MACO1: variants seen among roughly 807,000 people sequenced by gnomAD.
MACO1 encodes the protein macoilin.
MACO1 carries 14 observed loss-of-function variants against 78.7 expected under a neutral mutation model. The observed-to-expected ratio is 0.18, with a 90% confidence interval of 0.12 to 0.28. The LOEUF (loss-of-function observed/expected upper bound fraction) is 0.28, where lower values mean the gene tolerates loss of function less well. Among genes scored for constraint, MACO1 ranks in the 10% least tolerant of loss-of-function variants. MACO1 has a pLI of 1.00. For missense variants in MACO1, 501 were observed against 799.0 expected, an observed-to-expected ratio of 0.63 and a Z score of 4.50; for synonymous variants, 288 against 291.6, an observed-to-expected ratio of 0.99 and a Z score of 0.12.
In MACO1 at chr1:25,441,195, A is replaced by T. The variant is rs1322577961; in HGVS notation, c.81-5567A>T. Among the ~76,000 whole-genome samples, 8 of 145,354 alleles carry T rather than the reference A, an allele frequency of 5.5e-5. No individual in the cohort carries two copies. The South Asian group carries it at 1.1e-3, about 20-fold the overall frequency. ...CTACATTACAGATCATTCATTCAACATTTTTTTTTTTTGAGACGGAGTTTT... is the reference window on the plus strand; with the variant it reads ...CTACATTACAGATCATTCATTCAACTTTTTTTTTTTTTGAGACGGAGTTTT... On this transcript the variant is annotated intron_variant, in intron 1 of 10. Transcript: ENST00000374343.
At chr1:25,475,111 G>A (rs1267088656) in intron 6 of MACO1, among the ~76,000 whole-genome samples, 1 of 152,152 alleles carries the variant, frequency 6.6e-6, no homozygotes, top group African/African-American at 2.4e-5. Context: ...TTGGGAGGCC[G>A]AGGCGGGCGG....
chr1:25,469,256 C>T lies in MACO1; in HGVS notation c.1154+10364C>T, dbSNP rs543912542. 2.6e-5 allele frequency among the ~76,000 whole-genome samples: 4 copies of T among 152,200 alleles called. No homozygotes were observed. In the South Asian group the frequency reaches 8.3e-4, roughly 32 times the overall value. On this transcript the variant is annotated intron_variant, in intron 6 of 10. Coordinates refer to ENST00000374343, the MANE Select transcript of MACO1 (RefSeq NM_018202.6). ...GATAACAACATAATCTATAAATAAGCTATGTAATGTTCTAGTCATCAGTGA... is the reference window on the plus strand; with the variant it reads ...GATAACAACATAATCTATAAATAAGTTATGTAATGTTCTAGTCATCAGTGA...
intron 6 of MACO1, among the ~76,000 whole-genome samples, chr1:25,483,028 CT>C (rs1213425488): frequency 5.2e-4 from 79 of 152,120 alleles, no homozygotes; most frequent in African/African-American, 1.9e-3. Context: ...AAGAAAGAGA[CT>C]TGATTTTATA....
chr1:25,471,007 C>T (rs989267191), intron 6 of MACO1, among the ~76,000 whole-genome samples: 3 of 143,606 alleles, frequency 2.1e-5, no homozygotes, highest in African/African-American at 7.8e-5. Context: ...CAGCCTGGGC[C>T]ACAGAGTGAG....
intron 1 of MACO1, among the ~76,000 whole-genome samples, chr1:25,444,210 A>G (rs968066045): frequency 1.3e-5 from 2 of 151,536 alleles, no homozygotes; most frequent in Non-Finnish European, 2.9e-5. Flanking sequence ...AGTGAGCTGA[A>G]ATCATGCCAC....
intron 6 of MACO1, among the ~76,000 whole-genome samples, chr1:25,463,215 G>T (rs1321667133): frequency 6.6e-6 from 1 of 152,162 alleles, no homozygotes; most frequent in East Asian, 1.9e-4. Flanking sequence ...TTGAATCAAT[G>T]AATGATATAT....
chr1:25,432,772 AGCT>A (rs775273503), intron 1 of MACO1, among the ~76,000 whole-genome samples: 1 of 152,244 alleles, frequency 6.6e-6, no homozygotes, highest in Non-Finnish European at 1.5e-5. Context: ...GCATTTGAAT[AGCT>A]GCTATTTACA....
intron 4 of MACO1, 106 bp downstream of exon 4, chr1:25,454,488 A>ATTTT (rs1166653485): frequency 1.7e-4 from 12 of 72,402 alleles, no homozygotes; most frequent in African/African-American, 4.9e-4. Context: ...ATATATATAT[A>ATTTT]TTTTTTTTTT....
At chr1:25,472,713 G>T (rs1029259935) in intron 6 of MACO1, among the ~76,000 whole-genome samples, 86 of 152,158 alleles carry the variant, frequency 5.7e-4, no homozygotes, top group African/African-American at 1.7e-3. Flanking sequence ...AGGCTTTGGG[G>T]GTTCCCCTAG....
At chr1:25,441,893 T>C (rs2042976231) in intron 1 of MACO1, among the ~76,000 whole-genome samples, 2 of 152,348 alleles carry the variant, frequency 1.3e-5, no homozygotes, top group South Asian at 4.1e-4. Context: ...TTCCCAGTTA[T>C]GAGAAGGACA....
In MACO1 at chr1:25,458,431, A is replaced by G; in HGVS notation, c.693A>G (p.Ile231Met). Residue 231 changes from isoleucine to methionine, a missense_variant, in exon 6 of 11, where the codon ATA becomes ATG. Coordinates refer to ENST00000374343, the MANE Select transcript of MACO1 (RefSeq NM_018202.6). ...GLPDMDSSIL[I>M]HHNGGIPANK... ...CTGATATGGATTCTTCGATCCTTAT[A>G]CACCACAATGGAGGTATCCCAGCCA... 4 of 1,609,766 alleles carry G rather than the reference A, an allele frequency of 2.5e-6. No homozygotes were observed. The highest frequency in any genetic ancestry group is 3.4e-6 in the Non-Finnish European group (4 of 1,178,910).
intron 3 of MACO1, among the ~76,000 whole-genome samples, chr1:25,453,257 G>A (rs182930882): frequency 7.9e-5 from 12 of 151,294 alleles, no homozygotes; most frequent in Admixed American, 1.3e-4. Flanking sequence ...CGCCCTCCTC[G>A]GCCTCCCAAA....
chr1:25,457,742 A>T (rs538734707), intron 5 of MACO1, among the ~76,000 whole-genome samples: 1 of 152,246 alleles, frequency 6.6e-6, no homozygotes, highest in Non-Finnish European at 1.5e-5. Context: ...TTTTTATTTA[A>T]TATATTTCAA....
chr1:25,440,255 C>T (rs2042958335), intron 1 of MACO1, among the ~76,000 whole-genome samples: 1 of 145,530 alleles, frequency 6.9e-6, no homozygotes, highest in South Asian at 2.1e-4. Context: ...AAAAATTAGC[C>T]AAGCATGGTG....
chr1:25,489,144 C>T, intron 8 of MACO1, 29 bp from the exon 9 acceptor site: 4 of 1,607,398 alleles, frequency 2.5e-6, no homozygotes, highest in South Asian at 1.1e-5. Flanking sequence ...TTTTAAATCA[C>T]TTTATTTCCT....
In MACO1 at chr1:25,445,221, C is replaced by T. The variant is rs759174569; in HGVS notation, c.81-1541C>T. 2.4e-4 allele frequency among the ~76,000 whole-genome samples: 36 copies of T among 151,184 alleles called. 1 individual carries two copies. Among genetic ancestry groups the T allele is most frequent in the Non-Finnish European group, 1.2e-4 (8 of 67,892 alleles). On this transcript the variant is annotated intron_variant, in intron 1 of 10. Coordinates refer to ENST00000374343, the MANE Select transcript of MACO1 (RefSeq NM_018202.6). The stretch of plus-strand genomic sequence containing the variant: ...AGCTGAGGTAGAAGGATCACTTGAG[C>T]CCAGTAGATTGAGGCTGCTGTGAGC...
chr1:25,437,259 C>T (rs1236227232), intron 1 of MACO1, among the ~76,000 whole-genome samples: 1 of 147,834 alleles, frequency 6.8e-6, no homozygotes, highest in Non-Finnish European at 1.5e-5. Context: ...TTCAGCTGAC[C>T]GAGTAGCTGG....
At chr1:25,440,405 G>GA (rs35855810) in intron 1 of MACO1, among the ~76,000 whole-genome samples, 3,297 of 124,528 alleles carry the variant, frequency 0.026, 128 homozygotes, top group African/African-American at 0.086. Flanking sequence ...CCAGTTCTGG[G>GA]AAAAAAAAAA....
At chr1:25,454,158 T>C (rs372622117) in intron 3 of MACO1, 101 bp from the exon 4 acceptor site, 2 of 1,318,990 alleles carry the variant, frequency 1.5e-6, no homozygotes, top group East Asian at 2.8e-5. Flanking sequence ...TAGGTGAAGG[T>C]CTTAATGAAA....
Sources: gnomAD v4.1 joint callset for allele counts (sites outside exome capture counted in the v4.1 genomes callset) on GRCh38, gnomAD v4.1.1 for gene constraint, MANE v1.5 for transcripts, NCBI Gene and HGNC (gene_info 2026-07-23, HGNC 2026-07-21) for gene names.